The following GORASP1 variants were observed in gnomAD, a reference collection of about 807,000 sequenced individuals.
The protein encoded by GORASP1 is golgi reassembly stacking protein 1.
Under a neutral mutation model 37.7 loss-of-function variants are expected in GORASP1, and 31 were observed. That is an observed-to-expected ratio of 0.82 (90% CI 0.62 to 1.11). GORASP1 has a LOEUF of 1.11. Among genes scored for constraint, GORASP1 ranks in the 50% least tolerant of loss-of-function variants. GORASP1 has a pLI of 0.00. For synonymous variants in GORASP1, 204 were observed against 224.8 expected (o/e 0.91, Z 0.83); for missense variants, 476 against 560.7 (o/e 0.85, Z 1.53).
chr3:39,098,285 G>A lies in GORASP1; in HGVS notation c.1274C>T (p.Thr425Met), dbSNP rs1109643. 0.021 allele frequency: 34,676 copies of A among 1,614,092 alleles called. 1,006 individuals carry two copies. Among genetic ancestry groups the A allele is most frequent in the East Asian group, 0.15 (6,538 of 44,872 alleles). The change falls in exon 9 of 9, where the codon ACG (threonine) becomes ATG (methionine). Residue 425 changes from threonine to methionine, a missense_variant. Thr to Met is a moderately conservative substitution (Grantham distance 81). Transcript: ENST00000319283. The surrounding 1 kb of genome is among the most constrained non-coding windows in gnomAD (Gnocchi z 4.7). ...PASTEGLDTG[T>M]EAEGLDSQAQ... ...CTGGCTGTCCAGCCCCTCAGCCTCCGTCCCAGTATCTAGGCCCTCTGTGCT... is the reference window on the plus strand; with the variant it reads ...CTGGCTGTCCAGCCCCTCAGCCTCCATCCCAGTATCTAGGCCCTCTGTGCT...
Position 39,098,990 on chromosome 3 carries a change from T to C in GORASP1, c.917-97A>G. 3 of 1,465,812 alleles carry C rather than the reference T, an allele frequency of 2.0e-6. No homozygotes were observed. Among genetic ancestry groups the C allele is most frequent in the Non-Finnish European group, 2.8e-6 (3 of 1,065,474 alleles). 90.8% of individuals were successfully genotyped at this position (1,465,812 alleles called of 1,614,324 possible). ...CTTGCCTAGGGCATCTGGCCCAGCC[T>C]GTGAGACTGTAATCTCCTCAGCCCC... On this transcript the variant is annotated intron_variant, in intron 7 of 8. Transcript: ENST00000319283. The surrounding 1 kb of genome is among the most constrained non-coding windows in gnomAD (Gnocchi z 4.7).
chr3:39,103,468 C>G lies in GORASP1; in HGVS notation c.144+5G>C. 1 of 1,609,242 alleles carries G rather than the reference C, an allele frequency of 6.2e-7. No individual in the cohort carries two copies. The highest frequency in any genetic ancestry group is 8.5e-7 in the Non-Finnish European group (1 of 1,177,574). Reference sequence around the variant, plus strand: ...AGCAAAGCAGAGGCAGGTTGGGGAACTCACCAGCCTCGAGTGCCCAATGGT... The same window carrying G: ...AGCAAAGCAGAGGCAGGTTGGGGAAGTCACCAGCCTCGAGTGCCCAATGGT... On this transcript the variant is annotated splice_donor_5th_base_variant and intron_variant, in intron 2 of 8. Coordinates refer to ENST00000319283, the MANE Select transcript of GORASP1 (RefSeq NM_031899.4). The surrounding 1 kb of genome is among the most constrained non-coding windows in gnomAD (Gnocchi z 5.2).
rs769739151 is a variant in GORASP1, at chr3:39,100,382, C to A, written c.688G>T (p.Asp230Tyr). ...GGGGTGGGTCCAGGTGGTAGAGCAT[C>A]AGGTGGTGGGGCACCAAGTGGTAGA... ...SALPLGAPPPDALPPGPTPED... is the reference protein window; with the variant it reads ...SALPLGAPPPYALPPGPTPED... The change falls in exon 6 of 9, where the codon GAT (aspartate) becomes TAT (tyrosine). Residue 230 changes from aspartate (D) to tyrosine (Y), a missense_variant. Physicochemically the swap from Asp to Tyr is radical, Grantham distance 160. Transcript: ENST00000319283. The surrounding 1 kb of genome is among the most constrained non-coding windows in gnomAD (Gnocchi z 4.6). 1 of 1,614,066 alleles carries A rather than the reference C, an allele frequency of 6.2e-7. No homozygotes were observed.
rs770827935 is a variant in GORASP1, at chr3:39,100,792, C to T, written c.521G>A (p.Arg174Gln). The T allele has an allele frequency of 5.6e-6, 9 of 1,614,018 alleles. No individual in the cohort carries two copies. The highest frequency in any genetic ancestry group is 3.3e-5 in the South Asian group (3 of 91,090). The change falls in exon 5 of 9, where the codon CGG becomes CAG. Residue 174 changes from arginine (R) to glutamine (Q), a missense_variant. Coordinates refer to ENST00000319283, the MANE Select transcript of GORASP1 (RefSeq NM_031899.4). This position sits in a 1 kb window ranked among gnomAD's most constrained non-coding sequence, Gnocchi z 4.6. ...TGCGTTGGGAGTTACAGTCACCTCC[C>T]GGCAGGAGTCTGACTTGGAGTTATA... ...MVYNSKSDSC[R>Q]EVTVTPNAAW...
intron 6 of GORASP1, among the ~76,000 whole-genome samples, 161 bp from the exon 7 acceptor site, chr3:39,099,664 G>T (rs1378665994): frequency 6.6e-6 from 1 of 152,184 alleles, no homozygotes; most frequent in African/African-American, 2.4e-5. Context: ...TTCTATTGGT[G>T]ATAGGAAGTC....
Position 39,098,498 on chromosome 3 carries a change from CAGA to C in GORASP1, c.1070-12_1070-10del. On this transcript the variant is annotated splice_polypyrimidine_tract_variant and intron_variant, in intron 8 of 8. Transcript: ENST00000319283. This position sits in a 1 kb window ranked among gnomAD's most constrained non-coding sequence, Gnocchi z 4.7. ...AGACCATGTAGCCTCACCTGCAACA[CAGA>C]AGATCAGGCTGAGGAGGTCTGCAAG... The C allele has an allele frequency of 6.2e-7, 1 of 1,609,534 alleles. No homozygotes were observed. Among genetic ancestry groups the C allele is most frequent in the East Asian group, 2.2e-5 (1 of 44,830 alleles).
Position 39,103,437 on chromosome 3 carries a change from TAAGC to T in GORASP1, c.144+32_144+35del. ...ACAGATGAAGACACACAAACACACATAAGCAAGCAAAGCAGAGGCAGGTTGGGGA... is the reference window on the plus strand; with the variant it reads ...ACAGATGAAGACACACAAACACACATAAGCAAAGCAGAGGCAGGTTGGGGA... On this transcript the variant is annotated intron_variant, in intron 2 of 8. Transcript: ENST00000319283. This position sits in a 1 kb window ranked among gnomAD's most constrained non-coding sequence, Gnocchi z 5.2. 1 of 1,564,252 alleles carries T rather than the reference TAAGC, an allele frequency of 6.4e-7. No individual in the cohort carries two copies. The highest frequency in any genetic ancestry group is 8.7e-7 in the Non-Finnish European group (1 of 1,144,178).
chr3:39,101,713 T>C (rs1269249527), intron 3 of GORASP1: 1 of 381,410 alleles, frequency 2.6e-6, no homozygotes, highest in South Asian at 1.9e-5. Flanking sequence ...CTTTCCCTCA[T>C]GGGCAGATTA....
Position 39,097,918 on chromosome 3 carries a change from C to T in GORASP1, c.*318G>A. The T allele has an allele frequency of 2.8e-6, 1 of 359,588 alleles. No homozygotes were observed. The highest frequency in any genetic ancestry group is 2.1e-5 in the African/African-American group (1 of 47,772). 22.3% of individuals were successfully genotyped at this position (359,588 alleles called of 1,614,324 possible). A position where few individuals can be genotyped will look rare whatever the true frequency, so the allele number is the denominator to read the frequency against. ...TACAGATGGGGTGGGCTGAGCTGTG[C>T]AGGAAGAATCAAAGCGACCAGGCCA... On this transcript the variant is annotated 3_prime_UTR_variant, in exon 9 of 9. Transcript: ENST00000319283.
Position 39,098,301 on chromosome 3 carries a change from C to G in GORASP1, c.1258G>C (p.Gly420Arg). Residue 420 changes from glycine (G) to arginine (R), a missense_variant, in exon 9 of 9, where the codon GGC becomes CGC. Coordinates refer to ENST00000319283, the MANE Select transcript of GORASP1 (RefSeq NM_031899.4). This position sits in a 1 kb window ranked among gnomAD's most constrained non-coding sequence, Gnocchi z 4.7. ...TCAGCCTCCGTCCCAGTATCTAGGC[C>G]CTCTGTGCTTGCTGGTTCCTCCTCA... ...QAEEEPASTE[G>R]LDTGTEAEGL... The G allele has an allele frequency of 3.1e-6, 5 of 1,614,166 alleles. No homozygotes were observed. Among genetic ancestry groups the G allele is most frequent in the Non-Finnish European group, 4.2e-6 (5 of 1,180,038 alleles).
chr3:39,099,643 A>C, intron 6 of GORASP1, 140 bp from the exon 7 acceptor site: 1 of 916,696 alleles, frequency 1.1e-6, no homozygotes, highest in Non-Finnish European at 1.7e-6. Context: ...GCCTTAATAA[A>C]CCACCCCTTC....
Position 39,099,339 on chromosome 3 carries a change from G to T in GORASP1, c.916+14C>A. The T allele has an allele frequency of 6.2e-7, 1 of 1,612,280 alleles. No individual in the cohort carries two copies. The highest frequency in any genetic ancestry group is 8.5e-7 in the Non-Finnish European group (1 of 1,179,202). On this transcript the variant is annotated intron_variant, in intron 7 of 8. Coordinates refer to ENST00000319283, the MANE Select transcript of GORASP1 (RefSeq NM_031899.4). ...AAGCCTGGGGCCCACTCCTCTCCAG[G>T]GCCTGCCCAGTACCTGGGTCCATAA...
Position 39,100,757 on chromosome 3 carries a change from C to T in GORASP1, c.556G>A (p.Gly186Arg). 1.9e-6 allele frequency: 3 copies of T among 1,613,876 alleles called. No homozygotes were observed. Among genetic ancestry groups the T allele is most frequent in the Non-Finnish European group, 2.5e-6 (3 of 1,179,994 alleles). Residue 186 changes from glycine (G) to arginine (R), a missense_variant, in exon 5 of 9, where the codon GGA becomes AGA. Coordinates refer to ENST00000319283, the MANE Select transcript of GORASP1 (RefSeq NM_031899.4). This position sits in a 1 kb window ranked among gnomAD's most constrained non-coding sequence, Gnocchi z 4.6. ...VTVTPNAAWG[G>R]EGSLGCGIGY... ...AACCCCACGAAGTACCTGCCCTCTC[C>T]ACCCCAGGCTGCGTTGGGAGTTACA... is the stretch of plus-strand genomic sequence containing the variant.
rs776563703 is a variant in GORASP1 at position 39,103,558 on chromosome 3, C to A, written c.64-5G>T. ...GGCTGGGGAGTTCTCCTGCACCTAT[C>A]CCACAGCAAAGACCACAGTCACTGC... is the stretch of plus-strand genomic sequence containing the variant. On this transcript the variant is annotated splice_polypyrimidine_tract_variant and splice_region_variant and intron_variant, in intron 1 of 8. Transcript: ENST00000319283. This position sits in a 1 kb window ranked among gnomAD's most constrained non-coding sequence, Gnocchi z 5.2. 4.4e-6 allele frequency: 7 copies of A among 1,608,826 alleles called. No homozygotes were observed. In the South Asian group the frequency reaches 7.7e-5, roughly 18 times the overall value.
In GORASP1 at chr3:39,097,648, T is replaced by C. The variant is rs1202460676; in HGVS notation, c.*588A>G. ...ATACAGGTCTGTGGCATGTAGTCCC[T>C]GAGGAAGAAGAAATATTGTGGTCTG... is the stretch of plus-strand genomic sequence containing the variant. On this transcript the variant is annotated 3_prime_UTR_variant, in exon 9 of 9. Coordinates refer to ENST00000319283, the MANE Select transcript of GORASP1 (RefSeq NM_031899.4). The C allele has an allele frequency of 6.6e-6, 1 of 152,528 alleles. No homozygotes were observed. Among genetic ancestry groups the C allele is most frequent in the African/African-American group, 2.4e-5 (1 of 41,452 alleles). The allele number at this position is 152,528 out of a possible 1,614,324, so 9.4% of individuals were successfully genotyped here.
intron 3 of GORASP1, chr3:39,101,356 C>A (rs989270413): frequency 1.2e-5 from 7 of 597,950 alleles, no homozygotes; most frequent in African/African-American, 3.7e-5. Context: ...CCGGGCTCAA[C>A]CCCTGGCTCC....
chr3:39,097,921 G>A lies in GORASP1; in HGVS notation c.*315C>T. 1 of 367,972 alleles carries A rather than the reference G, an allele frequency of 2.7e-6. No homozygotes were observed. Among genetic ancestry groups the A allele is most frequent in the South Asian group, 3.1e-5 (1 of 31,986 alleles). 22.8% of individuals were successfully genotyped at this position (367,972 alleles called of 1,614,324 possible). A position where few individuals can be genotyped will look rare whatever the true frequency, so the allele number is the denominator to read the frequency against. On this transcript the variant is annotated 3_prime_UTR_variant, in exon 9 of 9. Coordinates refer to ENST00000319283, the MANE Select transcript of GORASP1 (RefSeq NM_031899.4). ...AGATGGGGTGGGCTGAGCTGTGCAG[G>A]AAGAATCAAAGCGACCAGGCCAACA...
intron 7 of GORASP1, 139 bp downstream of exon 7, chr3:39,099,214 T>C (rs2035538456): frequency 3.0e-6 from 3 of 1,009,866 alleles, no homozygotes; most frequent in Admixed American, 1.9e-5. Context: ...GTATACTAGA[T>C]TGGATGATAT....
Position 39,098,066 on chromosome 3 carries a change from C to A in GORASP1, c.*170G>T, listed in dbSNP as rs1163230206. ...ACCAAGCACTGGACCTGAGGGTACA[C>A]GGCCAAAAGATATCCTCCCACAAGG... On this transcript the variant is annotated 3_prime_UTR_variant, in exon 9 of 9. Coordinates refer to ENST00000319283, the MANE Select transcript of GORASP1 (RefSeq NM_031899.4). This position sits in a 1 kb window ranked among gnomAD's most constrained non-coding sequence, Gnocchi z 4.7. 2 of 750,930 alleles carry A rather than the reference C, an allele frequency of 2.7e-6. No individual in the cohort carries two copies. The highest frequency in any genetic ancestry group is 4.2e-6 in the Non-Finnish European group (2 of 470,718). 46.5% of individuals were successfully genotyped at this position (750,930 alleles called of 1,614,324 possible).
Sources: gnomAD v4.1 joint callset for allele counts (sites outside exome capture counted in the v4.1 genomes callset) on GRCh38, gnomAD v4.1.1 for gene constraint, Gnocchi (gnomAD v3.1) non-coding constraint, MANE v1.5 for transcripts, NCBI Gene and HGNC (gene_info 2026-07-23, HGNC 2026-07-21) for gene names.